Variants in INPP5A observed in about 807,000 individuals in gnomAD.
INPP5A encodes inositol polyphosphate-5-phosphatase A, also known as 43 kDa inositol polyphosphate 5-phophatase.
In INPP5A, 14 loss-of-function variants were observed where a neutral mutation model predicts 65.2. The ratio of observed to expected loss-of-function variants is 0.21; its 90% CI spans 0.14 to 0.34. INPP5A has a LOEUF of 0.34. INPP5A is among the 10% of genes least tolerant of loss of function. INPP5A has a pLI of 1.00. For synonymous variants in INPP5A, 207 were observed against 208.3 expected (o/e 0.99, Z 0.05); for missense variants, 431 against 545.6 (o/e 0.79, Z 2.09).
chr10:132,667,042 C>T (rs1298726785), intron 4 of INPP5A, among the ~76,000 whole-genome samples: 1 of 152,242 alleles, frequency 6.6e-6, no homozygotes, highest in Non-Finnish European at 1.5e-5. Context: ...ATGCCGCTTT[C>T]CAAGCTGGGG....
At chr10:132,598,228 C>T (rs551692268) in intron 1 of INPP5A, among the ~76,000 whole-genome samples, 1 of 152,280 alleles carries the variant, frequency 6.6e-6, no homozygotes, top group African/African-American at 2.4e-5. Context: ...ATTACCTCCA[C>T]CTTTTTAATG....
At chr10:132,643,569 G>T (rs933635285) in intron 2 of INPP5A, among the ~76,000 whole-genome samples, 1 of 152,138 alleles carries the variant, frequency 6.6e-6, no homozygotes, top group African/African-American at 2.4e-5. Flanking sequence ...GTCTTAGGAC[G>T]GGCAGCTTAG....
At chr10:132,684,455 T>C (rs2073090542) in intron 4 of INPP5A, among the ~76,000 whole-genome samples, 1 of 152,244 alleles carries the variant, frequency 6.6e-6, no homozygotes, top group Non-Finnish European at 1.5e-5. Context: ...ATGTGGGTTA[T>C]GTACATGTGT....
At position 132,575,921 on chromosome 10, in the gene INPP5A, A is replaced by T. The variant is rs1396535409; in HGVS notation, c.76-31994A>T. ...GCCACTGACATCGCGGCTCTTGTGG[A>T]CTGTGGAGCTGGTGGCTCCCCTCTC... On this transcript the variant is annotated intron_variant, in intron 1 of 15. Coordinates refer to ENST00000368594, the MANE Select transcript of INPP5A (RefSeq NM_005539.5). The surrounding 1 kb of genome is among the most constrained non-coding windows in gnomAD (Gnocchi z 5.4). Among the ~76,000 whole-genome samples, 1 of 152,078 alleles carries T rather than the reference A, an allele frequency of 6.6e-6. No homozygotes were observed. The highest frequency in any genetic ancestry group is 1.5e-5 in the Non-Finnish European group (1 of 67,992).
intron 2 of INPP5A, among the ~76,000 whole-genome samples, chr10:132,608,301 G>A (rs983052084): frequency 2.0e-5 from 3 of 152,240 alleles, no homozygotes; most frequent in African/African-American, 7.2e-5. Flanking sequence ...TGGCAGCGAG[G>A]CTGGGTGTGC....
At chr10:132,759,228 G>T (rs532015997) in intron 11 of INPP5A, among the ~76,000 whole-genome samples, 1 of 152,162 alleles carries the variant, frequency 6.6e-6, no homozygotes, top group Non-Finnish European at 1.5e-5. Flanking sequence ...AAGTCCCCAG[G>T]CCCCTCAGTG....
intron 2 of INPP5A, among the ~76,000 whole-genome samples, chr10:132,645,317 C>T (rs557884341): frequency 3.9e-5 from 6 of 152,224 alleles, no homozygotes; most frequent in Non-Finnish European, 7.3e-5. Flanking sequence ...TGTGTGTCGG[C>T]GTCCTCCCAG....
intron 9 of INPP5A, among the ~76,000 whole-genome samples, chr10:132,733,731 C>T (rs1405800464): frequency 6.6e-6 from 1 of 152,036 alleles, no homozygotes; most frequent in East Asian, 1.9e-4. Flanking sequence ...CCTCCCTCTG[C>T]GTGTGAACGG....
intron 2 of INPP5A, among the ~76,000 whole-genome samples, chr10:132,642,672 A>G (rs1281671728): frequency 1.3e-5 from 2 of 152,134 alleles, no homozygotes; most frequent in African/African-American, 2.4e-5. Context: ...GAGCTCATCC[A>G]TGTCACGTAC....
rs1316920841 is a variant in INPP5A, at chr10:132,538,785, A to ACTT, written c.75+617_75+619dup. Among the ~76,000 whole-genome samples, 1 of 152,042 alleles carries ACTT rather than the reference A, an allele frequency of 6.6e-6. No individual in the cohort carries two copies. Among genetic ancestry groups the ACTT allele is most frequent in the Non-Finnish European group, 1.5e-5 (1 of 67,982 alleles). ...CATAACCACAAACCCTAACCCAGGA[A>ACTT]CTTCTGACACAGGGCTGTGGCCCCA... On this transcript the variant is annotated intron_variant, in intron 1 of 15. Transcript: ENST00000368594. The surrounding 1 kb of genome is among the most constrained non-coding windows in gnomAD (Gnocchi z 4.1).
chr10:132,628,798 C>T (rs2072228072), intron 2 of INPP5A, among the ~76,000 whole-genome samples: 1 of 152,146 alleles, frequency 6.6e-6, no homozygotes, highest in African/African-American at 2.4e-5. Flanking sequence ...CCAGCCCCAT[C>T]CAATAGAAAT....
At position 132,727,515 on chromosome 10, in the gene INPP5A, G is replaced by A. The variant is rs1473921567; in HGVS notation, c.732+610G>A. 4.6e-5 allele frequency among the ~76,000 whole-genome samples: 7 copies of A among 151,906 alleles called. No homozygotes were observed. The highest frequency in any genetic ancestry group is 8.8e-5 in the Non-Finnish European group (6 of 67,970). ...CCGAGGTGCCACCGACAGGAAGTGG[G>A]CCTCTAGGCTCAGTGCAAGGGCCGA... On this transcript the variant is annotated intron_variant, in intron 9 of 15. Transcript: ENST00000368594. The surrounding 1 kb of genome is among the most constrained non-coding windows in gnomAD (Gnocchi z 6.5).
chr10:132,737,419 G>A lies in INPP5A; in HGVS notation c.732+10514G>A, dbSNP rs529371783. 5.5e-5 allele frequency among the ~76,000 whole-genome samples: 8 copies of A among 145,310 alleles called. No individual in the cohort carries two copies. In the South Asian group the frequency reaches 1.5e-3, roughly 26 times the overall value. ...TAGCGCAGCCCCGTCCTCTGCTGCC[G>A]TGGGTTAATGTTAGCGCAGCCCTGT... On this transcript the variant is annotated intron_variant, in intron 9 of 15. Transcript: ENST00000368594.
intron 1 of INPP5A, among the ~76,000 whole-genome samples, chr10:132,580,335 A>G (rs1303851684): frequency 6.6e-6 from 1 of 152,152 alleles, no homozygotes; most frequent in Admixed American, 6.5e-5. Flanking sequence ...GTTGTTTAAA[A>G]GTGTGTGGCA....
intron 1 of INPP5A, among the ~76,000 whole-genome samples, chr10:132,571,810 G>A (rs1426053839): frequency 3.9e-5 from 6 of 152,224 alleles, no homozygotes; most frequent in African/African-American, 2.4e-5. Context: ...AGGGGCTAGC[G>A]AGTGAGCAGC....
intron 1 of INPP5A, among the ~76,000 whole-genome samples, chr10:132,591,510 A>G (rs1590851973): frequency 6.6e-6 from 1 of 152,186 alleles, no homozygotes; most frequent in South Asian, 2.1e-4. Context: ...TTCCTTCAGG[A>G]ATGTCTTAAA....
At chr10:132,585,372 G>A (rs546767242) in intron 1 of INPP5A, among the ~76,000 whole-genome samples, 9 of 152,366 alleles carry the variant, frequency 5.9e-5, no homozygotes, top group African/African-American at 2.2e-4. Flanking sequence ...GAAAGCGCGA[G>A]TGCGAGCACA....
At chr10:132,736,750 G>A (rs894465675) in intron 9 of INPP5A, among the ~76,000 whole-genome samples, 2 of 152,242 alleles carry the variant, frequency 1.3e-5, no homozygotes, top group Non-Finnish European at 2.9e-5. Flanking sequence ...CTTCTAGTGT[G>A]CACTGCGTCC....
chr10:132,703,405 C>A (rs1564972300), intron 6 of INPP5A, among the ~76,000 whole-genome samples: 1 of 152,002 alleles, frequency 6.6e-6, no homozygotes. Context: ...CATCTTCACA[C>A]ACAAGCGGCT....
Sources: allele counts gnomAD v4.1 joint callset (sites outside exome capture counted in the v4.1 genomes callset), GRCh38; gene constraint gnomAD v4.1.1; non-coding constraint Gnocchi (gnomAD v3.1); transcripts MANE v1.5; gene names NCBI Gene and HGNC (gene_info 2026-07-23, HGNC 2026-07-21).